The following YTHDF3 variants were observed in gnomAD, a reference collection of about 807,000 sequenced individuals.
The protein encoded by YTHDF3 is YTH domain-containing family protein 3.
In YTHDF3, 9 loss-of-function variants were observed where a neutral mutation model predicts 52.5. The observed-to-expected ratio is 0.17, with a 90% CI of 0.10 to 0.30. The LOEUF is 0.30. YTHDF3 is among the 10% of genes least tolerant of loss of function. The probability of loss-of-function intolerance (pLI) is 1.00; values close to 1 mark genes in which losing one functional copy is unlikely to be tolerated. For synonymous variants in YTHDF3, 274 were observed against 243.3 expected (o/e 1.13, Z -1.18); for missense variants, 534 against 715.0 (o/e 0.75, Z 2.89).
chr8:63,178,348 T>C (rs1480037443), intron 3 of YTHDF3, among the ~76,000 whole-genome samples: 3 of 152,134 alleles, frequency 2.0e-5, no homozygotes, highest in Non-Finnish European at 4.4e-5. Context: ...GTTCTATATA[T>C]TGGAATTGTG....
In YTHDF3 at chr8:63,210,545, T is replaced by A. The variant is rs1444146979; in HGVS notation, c.*839T>A. 6.6e-6 allele frequency: 1 copy of A among 152,612 alleles called. No homozygotes were observed. Among genetic ancestry groups the A allele is most frequent in the African/African-American group, 2.4e-5 (1 of 41,460 alleles). 9.5% of individuals were successfully genotyped at this position (152,612 alleles called of 1,614,324 possible). A position where few individuals can be genotyped will look rare whatever the true frequency, so the allele number is the denominator to read the frequency against. ...TACATTTAAAACCCTTAATTCCTAT[T>A]TCTGGGTGTTTGCGAGCCTGATTGC... On this transcript the variant is annotated 3_prime_UTR_variant, in exon 5 of 5. Coordinates refer to ENST00000539294, the MANE Select transcript of YTHDF3 (RefSeq NM_152758.6).
chr8:63,210,059 A>T lies in YTHDF3; in HGVS notation c.*353A>T, dbSNP rs767089942. 6.9e-4 allele frequency: 131 copies of T among 189,048 alleles called. No homozygotes were observed. Among genetic ancestry groups the T allele is most frequent in the Admixed American group, 8.8e-4 (15 of 16,950 alleles). 11.7% of individuals were successfully genotyped at this position (189,048 alleles called of 1,614,324 possible). A position where few individuals can be genotyped will look rare whatever the true frequency, so the allele number is the denominator to read the frequency against. Reference sequence around the variant, plus strand: ...TTAAATACTAACAGTTAACCATTAGAAGTGGTTCAATGATGTAAGAGTCAC... The same window carrying T: ...TTAAATACTAACAGTTAACCATTAGTAGTGGTTCAATGATGTAAGAGTCAC... On this transcript the variant is annotated 3_prime_UTR_variant, in exon 5 of 5. Coordinates refer to ENST00000539294, the MANE Select transcript of YTHDF3 (RefSeq NM_152758.6).
rs1810318430 is a variant in YTHDF3 at position 63,210,563 on chromosome 8, C to T, written c.*857C>T. Reference sequence around the variant, plus strand: ...TTCCTATTTCTGGGTGTTTGCGAGCCTGATTGCTATCATGAAGTAAAAATT... The same window carrying T: ...TTCCTATTTCTGGGTGTTTGCGAGCTTGATTGCTATCATGAAGTAAAAATT... On this transcript the variant is annotated 3_prime_UTR_variant, in exon 5 of 5. Transcript: ENST00000539294. 5 of 152,478 alleles carry T rather than the reference C, an allele frequency of 3.3e-5. No individual in the cohort carries two copies. Among genetic ancestry groups the T allele is most frequent in the Admixed American group, 2.0e-4 (3 of 15,252 alleles). The allele number at this position is 152,478 out of a possible 1,614,324, so 9.4% of individuals were successfully genotyped here.
At chr8:63,206,184 C>T (rs1810018730) in intron 4 of YTHDF3, among the ~76,000 whole-genome samples, 1 of 152,068 alleles carries the variant, frequency 6.6e-6, no homozygotes, top group Admixed American at 6.5e-5. Flanking sequence ...AGTGATTCTC[C>T]TGCCTCATCC....
chr8:63,209,843 C>T lies in YTHDF3; in HGVS notation c.*137C>T, dbSNP rs987203310. 8 of 838,168 alleles carry T rather than the reference C, an allele frequency of 9.5e-6. No homozygotes were observed. The African/African-American group carries it at 1.2e-4, about 13-fold the overall frequency. The allele number at this position is 838,168 out of a possible 1,614,324, so 51.9% of individuals were successfully genotyped here. ...TGAACACTTTAACACAAAGTTGACT[C>T]TTCTCGTAATGGTTTTCATCAGCGC... is the stretch of plus-strand genomic sequence containing the variant. On this transcript the variant is annotated 3_prime_UTR_variant, in exon 5 of 5. Coordinates refer to ENST00000539294, the MANE Select transcript of YTHDF3 (RefSeq NM_152758.6).
rs1025885252 is a variant in YTHDF3 at position 63,170,521 on chromosome 8, A to T, written c.49+1110A>T. 3.3e-5 allele frequency among the ~76,000 whole-genome samples: 5 copies of T among 152,272 alleles called. No individual in the cohort carries two copies. In the South Asian group the frequency reaches 8.3e-4, roughly 25 times the overall value. On this transcript the variant is annotated intron_variant, in intron 2 of 4. Coordinates refer to ENST00000539294, the MANE Select transcript of YTHDF3 (RefSeq NM_152758.6). The stretch of plus-strand genomic sequence containing the variant: ...AGTATGTAAATATTTAGACATTTTA[A>T]TTTTTAAAATTTCATTTCTAGAATT...
chr8:63,180,593 A>G (rs1373229870), intron 3 of YTHDF3, among the ~76,000 whole-genome samples: 7 of 152,268 alleles, frequency 4.6e-5, no homozygotes, highest in East Asian at 1.9e-4. Flanking sequence ...AGAGGCTGCA[A>G]TCTCGGCACT....
In YTHDF3 at chr8:63,187,212, A is replaced by G. The variant is rs1808580281; in HGVS notation, c.1201A>G (p.Ile401Val). 2.2e-5 allele frequency: 36 copies of G among 1,614,078 alleles called. No homozygotes were observed. The highest frequency in any genetic ancestry group is 3.0e-5 in the Non-Finnish European group (35 of 1,179,908). ...VHPVLEKLKA[I>V]NNYNPKDFDW... The stretch of plus-strand genomic sequence containing the variant: ...TCCCGTGCTGGAAAAGCTAAAGGCC[A>G]TAAACAACTATAATCCCAAAGACTT... The change falls in exon 4 of 5, where the codon ATA (isoleucine) becomes GTA (valine). Residue 401 changes from isoleucine (I) to valine (V), a missense_variant. By Grantham distance (29) the Ile-to-Val change is conservative. Transcript: ENST00000539294.
At chr8:63,202,244 T>C (rs1809686731) in intron 4 of YTHDF3, among the ~76,000 whole-genome samples, 1 of 152,268 alleles carries the variant, frequency 6.6e-6, no homozygotes. Flanking sequence ...TTTCCCCTGA[T>C]AACTATATAG....
intron 3 of YTHDF3, 125 bp from the exon 4 acceptor site, chr8:63,186,022 T>C: frequency 1.9e-6 from 2 of 1,035,666 alleles, no homozygotes; most frequent in Admixed American, 3.1e-5. Context: ...TAATTTTGTT[T>C]ATCTAGAATA....
intron 4 of YTHDF3, among the ~76,000 whole-genome samples, chr8:63,196,111 A>G (rs1809221125): frequency 6.6e-6 from 1 of 152,086 alleles, no homozygotes; most frequent in Non-Finnish European, 1.5e-5. Flanking sequence ...AAATTTAAAA[A>G]TTAGCCAAGT....
chr8:63,169,518 T>A, intron 2 of YTHDF3, 107 bp downstream of exon 2: 2 of 1,240,194 alleles, frequency 1.6e-6, no homozygotes, highest in Middle Eastern at 2.1e-4. Flanking sequence ...GGAAAAAATG[T>A]AGGATTAGGG....
At chr8:63,178,930 A>G (rs1200274726) in intron 3 of YTHDF3, among the ~76,000 whole-genome samples, 3 of 152,168 alleles carry the variant, frequency 2.0e-5, no homozygotes, top group Non-Finnish European at 4.4e-5. Flanking sequence ...CAACTATTTA[A>G]TTAGGTCCTC....
At chr8:63,206,989 T>A (rs1810076147) in intron 4 of YTHDF3, among the ~76,000 whole-genome samples, 1 of 152,196 alleles carries the variant, frequency 6.6e-6, no homozygotes, top group South Asian at 2.1e-4. Flanking sequence ...ATATGTACCT[T>A]GTAATTATTT....
At chr8:63,206,260 A>T (rs1457348163) in intron 4 of YTHDF3, among the ~76,000 whole-genome samples, 1 of 151,818 alleles carries the variant, frequency 6.6e-6, no homozygotes, top group Non-Finnish European at 1.5e-5. Flanking sequence ...TTCAGTAGAG[A>T]CGGGGTTTGT....
chr8:63,199,199 A>G (rs1400059981), intron 4 of YTHDF3, among the ~76,000 whole-genome samples: 1 of 152,214 alleles, frequency 6.6e-6, no homozygotes, highest in East Asian at 1.9e-4. Context: ...TATCAAGTTA[A>G]TCATAGATCT....
At chr8:63,191,019 T>C (rs1295412711) in intron 4 of YTHDF3, among the ~76,000 whole-genome samples, 1 of 152,206 alleles carries the variant, frequency 6.6e-6, no homozygotes, top group Admixed American at 6.5e-5. Flanking sequence ...TAGCTGGGTA[T>C]AGAATTCTTT....
At chr8:63,202,050 G>A (rs771453325) in intron 4 of YTHDF3, among the ~76,000 whole-genome samples, 27 of 152,126 alleles carry the variant, frequency 1.8e-4, no homozygotes, top group African/African-American at 2.4e-4. Flanking sequence ...AAAGGGTACC[G>A]TAAGCCACCA....
intron 3 of YTHDF3, 71 bp from the exon 4 acceptor site, chr8:63,186,076 A>G (rs1808478603): frequency 2.1e-6 from 3 of 1,417,004 alleles, no homozygotes; most frequent in African/African-American, 1.4e-5. Flanking sequence ...CTTGATTTTA[A>G]TCTTTCAGAT....
Sources: allele counts gnomAD v4.1 joint callset (sites outside exome capture counted in the v4.1 genomes callset), GRCh38; gene constraint gnomAD v4.1.1; transcripts MANE v1.5; gene names NCBI Gene and HGNC (gene_info 2026-07-23, HGNC 2026-07-21).